Variants in ARL6 observed in about 807,000 individuals in gnomAD.
ARL6 encodes ADP-ribosylation factor-like protein 6.
A neutral mutation model predicts 27.1 loss-of-function variants in ARL6; 18 were observed. That is an observed-to-expected ratio of 0.66 (90% CI 0.46 to 0.98). The LOEUF (loss-of-function observed/expected upper bound fraction) is 0.98. Ranked by LOEUF, ARL6 falls within the 50% of genes least tolerant of loss-of-function variation. ARL6 has a pLI of 0.00. For missense variants in ARL6, 187 were observed against 214.9 expected, an observed-to-expected ratio of 0.87 and a Z score of 0.81; for synonymous variants, 65 against 72.3, an observed-to-expected ratio of 0.90 and a Z score of 0.51.
chr3:97,795,841 G>A (rs996200907), intron 7 of ARL6, among the ~76,000 whole-genome samples: 1 of 152,180 alleles, frequency 6.6e-6, no homozygotes, highest in Non-Finnish European at 1.5e-5. Context: ...GTGCACAACT[G>A]TCTGGTGGTG....
chr3:97,769,301 A>G (rs1353219999), intron 2 of ARL6, among the ~76,000 whole-genome samples: 2 of 152,064 alleles, frequency 1.3e-5, no homozygotes, highest in African/African-American at 4.8e-5. Context: ...CGCTTTTTTC[A>G]AGAATCTAGT....
intron 7 of ARL6, among the ~76,000 whole-genome samples, chr3:97,795,593 G>T (rs765895925): frequency 6.6e-6 from 1 of 152,172 alleles, no homozygotes; most frequent in African/African-American, 2.4e-5. Flanking sequence ...TATTTGATCA[G>T]TGTTGAATTA....
At chr3:97,794,106 C>A (rs1214279827) in intron 7 of ARL6, among the ~76,000 whole-genome samples, 6 of 151,516 alleles carry the variant, frequency 4.0e-5, no homozygotes, top group Admixed American at 3.9e-4. Flanking sequence ...AAGGTGGAAA[C>A]TAAGCCACAG....
chr3:97,774,850 A>T (rs375863062), intron 2 of ARL6, among the ~76,000 whole-genome samples: 3 of 152,154 alleles, frequency 2.0e-5, no homozygotes, highest in African/African-American at 7.2e-5. Context: ...GGGAGTTACA[A>T]TCCCTGAGTT....
At chr3:97,771,737 G>A (rs1445543291) in intron 2 of ARL6, among the ~76,000 whole-genome samples, 2 of 151,924 alleles carry the variant, frequency 1.3e-5, no homozygotes, top group Non-Finnish European at 2.9e-5. Flanking sequence ...GAGAGTTTTT[G>A]TCATAAAGAG....
chr3:97,770,919 A>G (rs2036609055), intron 2 of ARL6, among the ~76,000 whole-genome samples: 1 of 151,966 alleles, frequency 6.6e-6, no homozygotes, highest in Admixed American at 6.6e-5. Context: ...TTTGGTTATC[A>G]TGGCTTTGTA....
chr3:97,773,038 G>A (rs184820516), intron 2 of ARL6, among the ~76,000 whole-genome samples: 76 of 152,202 alleles, frequency 5.0e-4, no homozygotes, highest in African/African-American at 1.7e-3. Flanking sequence ...TATTAGTCAG[G>A]GTTCTCTAGA....
chr3:97,764,872 G>A lies in ARL6; in HGVS notation c.-133G>A, dbSNP rs558982696. ...ATCCTTCCCATGTAGGCATCGAGAA[G>A]AAGGCTGAGGGACCCTCGCACCAGA... On this transcript the variant is annotated 5_prime_UTR_variant, in exon 1 of 8. Transcript: ENST00000463745. The A allele has an allele frequency of 1.3e-5, 2 of 152,320 alleles. No homozygotes were observed. The highest frequency in any genetic ancestry group is 2.9e-5 in the Non-Finnish European group (2 of 68,120). 9.4% of individuals were successfully genotyped at this position (152,320 alleles called of 1,614,324 possible).
chr3:97,785,147 C>G (rs1385258257), intron 5 of ARL6, 98 bp downstream of exon 5: 6 of 902,616 alleles, frequency 6.6e-6, no homozygotes, highest in African/African-American at 1.7e-5. Context: ...AATTATCTTT[C>G]ATTTAAAATT....
At chr3:97,784,859 G>A in intron 4 of ARL6, 96 bp from the exon 5 acceptor site, 1 of 804,402 alleles carries the variant, frequency 1.2e-6, no homozygotes, top group Non-Finnish European at 2.1e-6. Flanking sequence ...TAGGACATAA[G>A]GAGATAATAC....
chr3:97,783,350 G>GT (rs1434050350), intron 4 of ARL6, among the ~76,000 whole-genome samples: 1 of 151,696 alleles, frequency 6.6e-6, no homozygotes, highest in Non-Finnish European at 1.5e-5. Context: ...TGTGGTAAGG[G>GT]TAAATCAGGA....
intron 2 of ARL6, among the ~76,000 whole-genome samples, chr3:97,775,521 C>A (rs1210054948): frequency 1.3e-5 from 2 of 152,020 alleles, no homozygotes. Flanking sequence ...TTGTTCCCAC[C>A]CAGATTAAGG....
chr3:97,770,180 T>C (rs1298626350), intron 2 of ARL6, among the ~76,000 whole-genome samples: 1 of 152,102 alleles, frequency 6.6e-6, no homozygotes, highest in African/African-American at 2.4e-5. Flanking sequence ...CTTTTCTACA[T>C]CTTCACCAGC....
At chr3:97,788,899 C>A (rs1388599399) in intron 6 of ARL6, among the ~76,000 whole-genome samples, 1 of 152,104 alleles carries the variant, frequency 6.6e-6, no homozygotes, top group African/African-American at 2.4e-5. Flanking sequence ...CTTCTACCCA[C>A]CCACCTACCT....
intron 1 of ARL6, among the ~76,000 whole-genome samples, chr3:97,766,914 T>G (rs2036406360): frequency 6.6e-6 from 1 of 152,184 alleles, no homozygotes; most frequent in Non-Finnish European, 1.5e-5. Flanking sequence ...TATCTCCCTG[T>G]CCTTCTACCA....
At chr3:97,769,480 A>G (rs1423411948) in intron 2 of ARL6, among the ~76,000 whole-genome samples, 3 of 152,088 alleles carry the variant, frequency 2.0e-5, no homozygotes, top group Non-Finnish European at 4.4e-5. Context: ...ACAATGCATA[A>G]TAAATCAGAG....
intron 2 of ARL6, among the ~76,000 whole-genome samples, chr3:97,779,161 A>C (rs1458338128): frequency 6.6e-6 from 1 of 152,182 alleles, no homozygotes; most frequent in Non-Finnish European, 1.5e-5. Context: ...CATTGCCTTC[A>C]AGCCCTTACC....
intron 2 of ARL6, among the ~76,000 whole-genome samples, chr3:97,776,949 G>A (rs546529177): frequency 5.3e-5 from 8 of 152,216 alleles, no homozygotes; most frequent in South Asian, 2.1e-4. Context: ...GTGAGCCTCC[G>A]TGCCTGGCCA....
Position 97,780,305 on chromosome 3 carries a change from A to T in ARL6, c.185+85A>T, listed in dbSNP as rs75485312. The T allele has an allele frequency of 3.1e-3, 3,354 of 1,073,960 alleles. 62 individuals are homozygous for T. In the African/African-American group the frequency reaches 0.046, roughly 15 times the overall value. 66.5% of individuals were successfully genotyped at this position (1,073,960 alleles called of 1,614,324 possible). On this transcript the variant is annotated intron_variant, in intron 3 of 7. Transcript: ENST00000463745. ...ACCTGGTCATTCTTCCTACCCTTAGATAAAGTAATTTGTTGTTTCAGAATC... is the reference window on the plus strand; with the variant it reads ...ACCTGGTCATTCTTCCTACCCTTAGTTAAAGTAATTTGTTGTTTCAGAATC...
Sources: gnomAD v4.1 joint callset for allele counts (sites outside exome capture counted in the v4.1 genomes callset) on GRCh38, gnomAD v4.1.1 for gene constraint, MANE v1.5 for transcripts, NCBI Gene and HGNC (gene_info 2026-07-23, HGNC 2026-07-21) for gene names.